Variants in COX10 observed in about 807,000 individuals in gnomAD.
COX10 encodes cytochrome c oxidase assembly factor heme A:farnesyltransferase COX10.
A neutral mutation model predicts 37.3 loss-of-function variants in COX10; 27 were observed. The observed-to-expected ratio is 0.72, with a 90% CI of 0.53 to 1.00. COX10 has a LOEUF of 1.00. Ranked by LOEUF, COX10 falls within the 50% of genes least tolerant of loss-of-function variation. The probability of loss-of-function intolerance (pLI) is 0.00; values close to 1 mark genes in which losing one functional copy is unlikely to be tolerated. For missense variants in COX10, 475 were observed against 563.2 expected, an observed-to-expected ratio of 0.84 and a Z score of 1.59; for synonymous variants, 222 against 229.1, an observed-to-expected ratio of 0.97 and a Z score of 0.28.
intron 6 of COX10, among the ~76,000 whole-genome samples, chr17:14,193,029 C>A (rs1396299214): frequency 2.0e-5 from 3 of 152,198 alleles, no homozygotes; most frequent in African/African-American, 7.2e-5. Flanking sequence ...TGCGATTACA[C>A]CTTTACCATG....
At chr17:14,160,077 A>T in intron 5 of COX10, 130 bp downstream of exon 5, 1 of 794,758 alleles carries the variant, frequency 1.3e-6, no homozygotes. Flanking sequence ...ACAAAGTGAT[A>T]TGGAAATGCA....
At chr17:14,077,182 C>A in intron 3 of COX10, 126 bp downstream of exon 3, 1 of 852,100 alleles carries the variant, frequency 1.2e-6, no homozygotes, top group Non-Finnish European at 1.8e-6. Flanking sequence ...TATTTTTCCT[C>A]TCTTCAATTT....
chr17:14,087,880 G>A (rs1477917965), intron 3 of COX10, among the ~76,000 whole-genome samples: 1 of 152,046 alleles, frequency 6.6e-6, no homozygotes, highest in African/African-American at 2.4e-5. Context: ...TGGGTGGCTT[G>A]CTACACTGTG....
intron 4 of COX10, among the ~76,000 whole-genome samples, chr17:14,159,075 A>G (rs1905116585): frequency 6.6e-6 from 1 of 152,188 alleles, no homozygotes; most frequent in Non-Finnish European, 1.5e-5. Context: ...ACTGTACTTC[A>G]TTGTTAGGAT....
chr17:14,154,029 AAG>A (rs767256258), intron 4 of COX10, among the ~76,000 whole-genome samples: 44 of 152,326 alleles, frequency 2.9e-4, no homozygotes, highest in South Asian at 1.5e-3. Flanking sequence ...TTCAGACAAA[AAG>A]AGTCCATTTT....
intron 5 of COX10, among the ~76,000 whole-genome samples, chr17:14,185,402 A>C (rs941657747): frequency 6.7e-6 from 1 of 149,170 alleles, no homozygotes; most frequent in African/African-American, 2.5e-5. Flanking sequence ...GATCTCTGAG[A>C]TTTAGCTCTG....
At chr17:14,116,877 A>G (rs1348186334) in intron 4 of COX10, among the ~76,000 whole-genome samples, 2 of 152,130 alleles carry the variant, frequency 1.3e-5, no homozygotes, top group Non-Finnish European at 1.5e-5. Context: ...TATAAATGAG[A>G]TCATATCCCT....
intron 6 of COX10, among the ~76,000 whole-genome samples, chr17:14,192,601 A>G (rs529698840): frequency 5.9e-5 from 9 of 152,330 alleles, no homozygotes; most frequent in Non-Finnish European, 1.2e-4. Flanking sequence ...GTCTCCCATC[A>G]AAGGGGTTTC....
chr17:14,085,267 A>G (rs889769848), intron 3 of COX10, among the ~76,000 whole-genome samples: 13 of 152,346 alleles, frequency 8.5e-5, no homozygotes, highest in Non-Finnish European at 1.8e-4. Flanking sequence ...ACGTTAGTGC[A>G]TAGATAGTTT....
intron 4 of COX10, among the ~76,000 whole-genome samples, chr17:14,151,841 A>G (rs1335354930): frequency 6.6e-6 from 1 of 152,206 alleles, no homozygotes; most frequent in Non-Finnish European, 1.5e-5. Context: ...GGACTCTAAC[A>G]GGCTAATAAT....
chr17:14,115,597 C>G (rs1916093627), intron 4 of COX10, among the ~76,000 whole-genome samples: 1 of 152,048 alleles, frequency 6.6e-6, no homozygotes, highest in South Asian at 2.1e-4. Context: ...TTATCACCGC[C>G]CTACCACCGT....
At chr17:14,194,554 A>G (rs890942298) in intron 6 of COX10, among the ~76,000 whole-genome samples, 2 of 151,998 alleles carry the variant, frequency 1.3e-5, no homozygotes, top group African/African-American at 4.8e-5. Flanking sequence ...AGCCTCCTGC[A>G]TAGCTGGGAC....
chr17:14,164,403 C>A (rs1597530401), intron 5 of COX10, among the ~76,000 whole-genome samples: 1 of 152,252 alleles, frequency 6.6e-6, no homozygotes, highest in South Asian at 2.1e-4. Context: ...AAATGTATAT[C>A]TTATTATTGT....
In COX10 at chr17:14,076,477, A is replaced by G. The variant is rs558292939; in HGVS notation, c.178-258A>G. Among the ~76,000 whole-genome samples, 145 of 152,292 alleles carry G rather than the reference A, an allele frequency of 9.5e-4. 1 individual carries two copies. The South Asian group carries it at 0.03, about 31-fold the overall frequency. ...AACAAGTAAATTTATTTTTCTTTCA[A>G]GGAACATATATTTCTAGGCTTTTCT... On this transcript the variant is annotated intron_variant, in intron 2 of 6. Transcript: ENST00000261643.
At chr17:14,169,625 G>A (rs1905397567) in intron 5 of COX10, among the ~76,000 whole-genome samples, 1 of 152,184 alleles carries the variant, frequency 6.6e-6, no homozygotes, top group African/African-American at 2.4e-5. Flanking sequence ...AAACTGACTT[G>A]TTTGAACATT....
chr17:14,113,314 C>G (rs192818669), intron 4 of COX10, among the ~76,000 whole-genome samples: 14 of 152,140 alleles, frequency 9.2e-5, no homozygotes, highest in African/African-American at 3.1e-4. Flanking sequence ...TACTCTGCCC[C>G]CTTGTGCCTT....
chr17:14,103,054 A>G (rs1044562032), intron 4 of COX10, among the ~76,000 whole-genome samples: 6 of 152,170 alleles, frequency 3.9e-5, no homozygotes, highest in African/African-American at 1.2e-4. Context: ...ATGGTTCTAC[A>G]ATATATTGTC....
chr17:14,129,849 A>G (rs1445682442), intron 4 of COX10, among the ~76,000 whole-genome samples: 1 of 152,112 alleles, frequency 6.6e-6, no homozygotes, highest in Non-Finnish European at 1.5e-5. Flanking sequence ...GTTTTTACCT[A>G]TTGAGGAATC....
At chr17:14,136,642 T>C (rs1904378770) in intron 4 of COX10, among the ~76,000 whole-genome samples, 1 of 151,922 alleles carries the variant, frequency 6.6e-6, no homozygotes, top group African/African-American at 2.4e-5. Context: ...AATACATTTT[T>C]ATGGCAGGTT....
Sources: gnomAD v4.1 joint callset for allele counts (sites outside exome capture counted in the v4.1 genomes callset) on GRCh38, gnomAD v4.1.1 for gene constraint, MANE v1.5 for transcripts, NCBI Gene and HGNC (gene_info 2026-07-23, HGNC 2026-07-21) for gene names.